Variants in SEM1 observed in about 807,000 individuals in gnomAD.
SEM1 encodes SEM1 26S proteasome subunit, also known as 26S proteasome complex subunit SEM1.
A neutral mutation model predicts 12.7 loss-of-function variants in SEM1; 3 were observed. The ratio of observed to expected loss-of-function variants is 0.24; its 90% confidence interval spans 0.11 to 0.61. SEM1 has a LOEUF of 0.61. Among genes scored for constraint, SEM1 ranks in the 20% least tolerant of loss-of-function variants. The pLI is 0.88. For synonymous variants in SEM1, 30 were observed against 27.8 expected (o/e 1.08, Z -0.25); for missense variants, 59 against 81.3 (o/e 0.73, Z 1.06).
intron 2 of SEM1, among the ~76,000 whole-genome samples, chr7:96,548,871 T>A (rs1805181503): frequency 6.6e-6 from 1 of 152,078 alleles, no homozygotes; most frequent in Non-Finnish European, 1.5e-5. Context: ...CAGAAGCAGA[T>A]CAAATTCCAT....
chr7:96,700,459 GGTTAGCCAAGTGGTA>G (rs1349556422), intron 1 of SEM1, among the ~76,000 whole-genome samples: 2 of 152,130 alleles, frequency 1.3e-5, no homozygotes, highest in Non-Finnish European at 2.9e-5. Flanking sequence ...CAGGTCCCAT[GGTTAGCCAAGTGGTA>G]GTCAGCCCTC....
downstream of SEM1, among the ~76,000 whole-genome samples, chr7:96,671,529 T>C (rs1028529621): frequency 1.3e-5 from 2 of 152,120 alleles, no homozygotes; most frequent in Non-Finnish European, 2.9e-5. Context: ...TAATTTTACT[T>C]GAATGAGCCT....
intron 2 of SEM1, chr7:96,558,259 G>T: frequency 6.5e-6 from 1 of 152,798 alleles, no homozygotes; most frequent in East Asian, 1.9e-4. Flanking sequence ...GTCCATGGCT[G>T]CCACATTATG....
At chr7:96,482,031 T>C (rs1285679340) in exon 4 of SEM1, 1 of 152,188 alleles carries the variant, frequency 6.6e-6, no homozygotes, top group Non-Finnish European at 1.5e-5. Context: ...TGTAAAAGAA[T>C]CTATTGCATT....
chr7:96,634,130 T>C (rs1808355980), intron 2 of SEM1, among the ~76,000 whole-genome samples: 1 of 152,136 alleles, frequency 6.6e-6, no homozygotes, highest in Non-Finnish European at 1.5e-5. Context: ...GTCTTTATGC[T>C]GAACCTATGA....
chr7:96,664,697 C>T (rs1789119327), intron 2 of SEM1, among the ~76,000 whole-genome samples: 1 of 152,086 alleles, frequency 6.6e-6, no homozygotes, highest in Non-Finnish European at 1.5e-5. Flanking sequence ...ATTTGGCCTA[C>T]CACATCATTG....
In SEM1 at chr7:96,640,904, T is replaced by C. The variant is rs7798708; in HGVS notation, c.171-18261A>G. Among the ~76,000 whole-genome samples the C allele has an allele frequency of 9.2e-3, 1,393 of 152,084 alleles. 8 individuals are homozygous for C. The highest frequency in any genetic ancestry group is 0.044 in the Middle Eastern group (13 of 294). Reference sequence around the variant, plus strand: ...TAACCTAACACTGCTCTAAAAAATATGGTTTCTTTACAAAAAACTTAGAGT... The same window carrying C: ...TAACCTAACACTGCTCTAAAAAATACGGTTTCTTTACAAAAAACTTAGAGT... On this transcript the variant is annotated intron_variant, in intron 2 of 2. Transcript: ENST00000417009. This position sits in a 1 kb window ranked among gnomAD's most constrained non-coding sequence, Gnocchi z 4.0.
chr7:96,614,110 T>C (rs1807631369), intron 2 of SEM1, among the ~76,000 whole-genome samples: 1 of 152,222 alleles, frequency 6.6e-6, no homozygotes. Context: ...TACTGTATTT[T>C]CAAAATTCTC....
At chr7:96,607,028 T>C (rs535212174) in intron 2 of SEM1, among the ~76,000 whole-genome samples, 2 of 152,346 alleles carry the variant, frequency 1.3e-5, no homozygotes, top group South Asian at 2.1e-4. Context: ...ATGGTGTTTA[T>C]ACATTTCTAT....
At chr7:96,610,306 T>C (rs984925700) in intron 2 of SEM1, among the ~76,000 whole-genome samples, 4 of 152,072 alleles carry the variant, frequency 2.6e-5, no homozygotes, top group Non-Finnish European at 5.9e-5. Context: ...TCCATGTTGG[T>C]GAGGTCAGTC....
chr7:96,651,143 C>T (rs1352173158), intron 2 of SEM1, among the ~76,000 whole-genome samples: 1 of 152,150 alleles, frequency 6.6e-6, no homozygotes, highest in Non-Finnish European at 1.5e-5. Flanking sequence ...CATAAATTCC[C>T]TAAACTTTGT....
downstream of SEM1, among the ~76,000 whole-genome samples, chr7:96,618,304 T>G (rs984123294): frequency 6.6e-6 from 1 of 152,162 alleles, no homozygotes; most frequent in African/African-American, 2.4e-5. Context: ...ACAGGTGACT[T>G]GATGCTTTTC....
downstream of SEM1, among the ~76,000 whole-genome samples, chr7:96,687,143 C>T: frequency 1.3e-5 from 2 of 152,082 alleles, no homozygotes; most frequent in African/African-American, 4.8e-5. Context: ...ACAACAGGTG[C>T]TGGAGAGGAT....
At chr7:96,700,589 A>G (rs1370411437) in intron 1 of SEM1, among the ~76,000 whole-genome samples, 1 of 152,192 alleles carries the variant, frequency 6.6e-6, no homozygotes, top group East Asian at 1.9e-4. Context: ...CCATGTTGTT[A>G]AAGGGTCAAC....
At chr7:96,617,039 T>G (rs1278056458) in intron 2 of SEM1, among the ~76,000 whole-genome samples, 1 of 152,120 alleles carries the variant, frequency 6.6e-6, no homozygotes, top group African/African-American at 2.4e-5. Flanking sequence ...GCTCTTTTTT[T>G]GGTTTCATAC....
intron 2 of SEM1, among the ~76,000 whole-genome samples, chr7:96,612,787 C>A (rs184882591): frequency 0.039 from 5,902 of 152,146 alleles, 132 homozygotes; most frequent in Admixed American, 0.058. Flanking sequence ...AGGCGCCTGC[C>A]ACCACACCCG....
chr7:96,542,444 A>C (rs1327943003), intron 2 of SEM1, among the ~76,000 whole-genome samples: 3 of 151,842 alleles, frequency 2.0e-5, no homozygotes, highest in Non-Finnish European at 4.4e-5. Flanking sequence ...TTGTACATTG[A>C]TTTTATATCC....
At chr7:96,570,000 A>G (rs1247161216) in intron 2 of SEM1, among the ~76,000 whole-genome samples, 5 of 151,968 alleles carry the variant, frequency 3.3e-5, no homozygotes, top group Admixed American at 6.6e-5. Flanking sequence ...GAGTGCAGGT[A>G]CCTTTTTGAT....
intron 2 of SEM1, among the ~76,000 whole-genome samples, chr7:96,565,991 TGTCCAAATCATATAGCACTTTA>T (rs1346275909): frequency 6.6e-6 from 1 of 151,860 alleles, no homozygotes; most frequent in African/African-American, 2.4e-5. Flanking sequence ...ATAGCACTTT[TGTCCAAATCATATAGCACTTTA>T]GTCCAAATCA....
Sources: gnomAD v4.1 joint callset for allele counts (sites outside exome capture counted in the v4.1 genomes callset) on GRCh38, gnomAD v4.1.1 for gene constraint, Gnocchi (gnomAD v3.1) non-coding constraint, MANE v1.5 for transcripts, NCBI Gene and HGNC (gene_info 2026-07-23, HGNC 2026-07-21) for gene names.